Variants in ITGA11 observed in about 807,000 individuals in gnomAD.
ITGA11 encodes the protein integrin subunit alpha 11.
A neutral mutation model predicts 141.9 loss-of-function variants in ITGA11; 97 were observed. The observed-to-expected ratio is 0.68, with a 90% CI of 0.58 to 0.81. The LOEUF is 0.81. Among genes scored for constraint, ITGA11 ranks in the 30% least tolerant of loss-of-function variants. ITGA11 has a pLI of 0.00. For missense variants in ITGA11, 1,387 were observed against 1,559.2 expected (o/e 0.89, Z 1.86); for synonymous variants, 658 against 624.6 (o/e 1.05, Z -0.80).
chr15:68,360,785 A>T (rs1895217725), intron 5 of ITGA11, among the ~76,000 whole-genome samples: 1 of 152,014 alleles, frequency 6.6e-6, no homozygotes, highest in African/African-American at 2.4e-5. Flanking sequence ...TCCATGTCTC[A>T]TTATCCCCCA....
At chr15:68,356,119 G>A (rs570370011) in intron 7 of ITGA11, among the ~76,000 whole-genome samples, 151 of 151,622 alleles carry the variant, frequency 1.0e-3, no homozygotes, top group African/African-American at 3.1e-3. Flanking sequence ...TTTTTGAGAC[G>A]GAGTCTTGCT....
At chr15:68,306,080 C>T (rs1893183849) in intron 28 of ITGA11, among the ~76,000 whole-genome samples, 1 of 150,082 alleles carries the variant, frequency 6.7e-6, no homozygotes, top group Non-Finnish European at 1.5e-5. Flanking sequence ...ATACCTGCTA[C>T]CCGGGAGGCT....
intron 2 of ITGA11, among the ~76,000 whole-genome samples, chr15:68,387,400 A>G (rs1896012615): frequency 6.6e-6 from 1 of 152,154 alleles, no homozygotes; most frequent in South Asian, 2.1e-4. Flanking sequence ...TTCCCAGACC[A>G]GCAGCACCAG....
At position 68,302,193 on chromosome 15, in the gene ITGA11, A is replaced by G. The variant is rs1019981745; in HGVS notation, c.*866T>C. 3 of 151,916 alleles carry G rather than the reference A, an allele frequency of 2.0e-5. No homozygotes were observed. The highest frequency in any genetic ancestry group is 7.3e-5 in the African/African-American group (3 of 41,284). The allele number at this position is 151,916 out of a possible 1,614,324, so 9.4% of individuals were successfully genotyped here. ...CAGCTGCAGCCAGGCCGGTGCGTCC[A>G]TGTCTAGGGGCAGGCTGCAGCAAGA... On this transcript the variant is annotated 3_prime_UTR_variant, in exon 30 of 30. Transcript: ENST00000315757.
intron 10 of ITGA11, among the ~76,000 whole-genome samples, chr15:68,345,058 C>T (rs1443534472): frequency 6.6e-6 from 1 of 152,042 alleles, no homozygotes; most frequent in Non-Finnish European, 1.5e-5. Flanking sequence ...TCTAGTCCCC[C>T]TCTGGAGGTG....
chr15:68,432,099 AGCG>A lies in ITGA11; in HGVS notation c.-36_-34del. On this transcript the variant is annotated 5_prime_UTR_variant, in exon 1 of 30. Coordinates refer to ENST00000315757, the MANE Select transcript of ITGA11 (RefSeq NM_001004439.2). The stretch of plus-strand genomic sequence containing the variant: ...GGCACGGCGGCTGGGTCCGGTGTGC[AGCG>A]GCGGCGGGGGGCGGCAAGCCAGAGC... The A allele has an allele frequency of 7.4e-7, 1 of 1,356,944 alleles. No homozygotes were observed. Among genetic ancestry groups the A allele is most frequent in the South Asian group, 2.1e-5 (1 of 47,756 alleles). The allele number at this position is 1,356,944 out of a possible 1,614,324, so 84.1% of individuals were successfully genotyped here.
intron 11 of ITGA11, among the ~76,000 whole-genome samples, chr15:68,337,042 G>A (rs1368370120): frequency 6.6e-6 from 1 of 152,184 alleles, no homozygotes; most frequent in African/African-American, 2.4e-5. Flanking sequence ...ATAAATATAT[G>A]GGTGGGTGGG....
At chr15:68,386,043 C>T (rs936035526) in intron 2 of ITGA11, among the ~76,000 whole-genome samples, 1 of 152,160 alleles carries the variant, frequency 6.6e-6, no homozygotes, top group Admixed American at 6.5e-5. Context: ...TTCTGAAGAT[C>T]ATGGGAATGG....
rs749764876 is a variant in ITGA11 at position 68,325,160 on chromosome 15, C to T, written c.2293G>A (p.Asp765Asn). 1.2e-5 allele frequency: 19 copies of T among 1,613,708 alleles called. No homozygotes were observed. The highest frequency in any genetic ancestry group is 3.3e-5 in the South Asian group (3 of 91,048). The part of the protein sequence containing the change: ...EDPDHGPMLD[D>N]GWPTTLRVSV... ...ACTCTGAGAGTGGTGGGCCAGCCGT[C>T]GTCCAGCATGGGGCCATGGTCAGGG... is the stretch of plus-strand genomic sequence containing the variant. The change falls in exon 18 of 30, where the codon GAC (aspartate) becomes AAC (asparagine). Residue 765 changes from aspartate to asparagine, a missense_variant. By Grantham distance (23) the Asp-to-Asn change is conservative. Transcript: ENST00000315757. The surrounding 1 kb of genome is among the most constrained non-coding windows in gnomAD (Gnocchi z 5.5).
chr15:68,404,476 A>G (rs1896592858), intron 1 of ITGA11, among the ~76,000 whole-genome samples: 1 of 152,184 alleles, frequency 6.6e-6, no homozygotes. Flanking sequence ...TGGGCAAATC[A>G]CAAGAAACAA....
intron 1 of ITGA11, among the ~76,000 whole-genome samples, chr15:68,411,927 C>G (rs1237534862): frequency 6.6e-6 from 1 of 152,090 alleles, no homozygotes; most frequent in South Asian, 2.1e-4. Context: ...CAGAGCTGCC[C>G]CAGCTGAGTT....
chr15:68,402,908 T>G lies in ITGA11; in HGVS notation c.164+10A>C. 1 of 1,598,332 alleles carries G rather than the reference T, an allele frequency of 6.3e-7. No homozygotes were observed. Among genetic ancestry groups the G allele is most frequent in the Middle Eastern group, 1.7e-4 (1 of 6,044 alleles). On this transcript the variant is annotated intron_variant, in intron 2 of 29. Coordinates refer to ENST00000315757, the MANE Select transcript of ITGA11 (RefSeq NM_001004439.2). ...TACAGGGCTGGGTGTGGGCGGCCGC[T>G]CTCACTCACCACTTATTGCCACTGA... is the stretch of plus-strand genomic sequence containing the variant.
At position 68,307,807 on chromosome 15, in the gene ITGA11, G is replaced by C. The variant is rs576921401; in HGVS notation, c.3175-111C>G. 1 of 687,572 alleles carries C rather than the reference G, an allele frequency of 1.5e-6. No individual in the cohort carries two copies. Among genetic ancestry groups the C allele is most frequent in the East Asian group, 2.7e-5 (1 of 37,184 alleles). 42.6% of individuals were successfully genotyped at this position (687,572 alleles called of 1,614,324 possible). A position where few individuals can be genotyped will look rare whatever the true frequency, so the allele number is the denominator to read the frequency against. The stretch of plus-strand genomic sequence containing the variant: ...CTCCTGGGGGCAGGGGCAGAGGACA[G>C]GGGACAAAGAGAAAGTTGGGAGTGG... On this transcript the variant is annotated intron_variant, in intron 26 of 29. Coordinates refer to ENST00000315757, the MANE Select transcript of ITGA11 (RefSeq NM_001004439.2). This position sits in a 1 kb window ranked among gnomAD's most constrained non-coding sequence, Gnocchi z 6.1.
chr15:68,337,959 A>C (rs1894422912), intron 11 of ITGA11, among the ~76,000 whole-genome samples: 1 of 152,092 alleles, frequency 6.6e-6, no homozygotes, highest in Non-Finnish European at 1.5e-5. Context: ...TGTAGGCTCC[A>C]GCTCCTACAC....
intron 1 of ITGA11, among the ~76,000 whole-genome samples, chr15:68,420,554 G>A (rs1896991889): frequency 6.6e-6 from 1 of 152,230 alleles, no homozygotes; most frequent in Admixed American, 6.5e-5. Flanking sequence ...ACAGGGAAAA[G>A]TCAGGACTGA....
rs1893027483 is a variant in ITGA11, at chr15:68,301,601, G to T, written c.*1458C>A. 6.6e-6 allele frequency: 1 copy of T among 152,184 alleles called. No homozygotes were observed. The highest frequency in any genetic ancestry group is 2.1e-4 in the South Asian group (1 of 4,828). 9.4% of individuals were successfully genotyped at this position (152,184 alleles called of 1,614,324 possible). On this transcript the variant is annotated 3_prime_UTR_variant, in exon 30 of 30. Transcript: ENST00000315757. The surrounding 1 kb of genome is among the most constrained non-coding windows in gnomAD (Gnocchi z 4.4). ...GTCCCTTCTGACATGTAGAGGTAGG[G>T]GGGAGGAAGCAAGGAACTCCCTCAT...
intron 3 of ITGA11, chr15:68,365,635 T>C (rs939896146): frequency 6.6e-6 from 1 of 151,926 alleles, no homozygotes; most frequent in African/African-American, 2.4e-5. Context: ...AGCCCTAATA[T>C]GCAGTGTGGA....
rs372915834 is a variant in ITGA11 at position 68,313,765 on chromosome 15, G to A, written c.2882+14C>T. The A allele has an allele frequency of 2.7e-5, 43 of 1,611,356 alleles. No individual in the cohort carries two copies. Among genetic ancestry groups the A allele is most frequent in the African/African-American group, 5.3e-5 (4 of 74,870 alleles). ...ATGCCTTCCCTCTCCTGGGGCCCCC[G>A]GAGCCCGGCCCACCTGGTGAAGAGG... On this transcript the variant is annotated intron_variant, in intron 23 of 29. Transcript: ENST00000315757.
intron 2 of ITGA11, among the ~76,000 whole-genome samples, chr15:68,377,082 A>C (rs1352864333): frequency 6.6e-6 from 1 of 152,206 alleles, no homozygotes; most frequent in African/African-American, 2.4e-5. Flanking sequence ...TAGCGCACCC[A>C]GATTGATTTT....
Sources: allele counts gnomAD v4.1 joint callset (sites outside exome capture counted in the v4.1 genomes callset), GRCh38; gene constraint gnomAD v4.1.1; non-coding constraint Gnocchi (gnomAD v3.1); transcripts MANE v1.5; gene names NCBI Gene and HGNC (gene_info 2026-07-23, HGNC 2026-07-21).